The following ALS2 variants were observed in gnomAD, a reference collection of about 807,000 sequenced individuals.
ALS2 encodes alsin.
In ALS2, 117 loss-of-function variants were observed where a neutral mutation model predicts 203.4. The observed-to-expected ratio is 0.58, with a 90% confidence interval of 0.50 to 0.67. The LOEUF (loss-of-function observed/expected upper bound fraction) is 0.67. ALS2 is among the 30% of genes least tolerant of loss of function. The pLI is 0.00. For synonymous variants in ALS2, 718 were observed against 725.9 expected (o/e 0.99, Z 0.17); for missense variants, 1,715 against 1,989.4 (o/e 0.86, Z 2.62).
At chr2:201,762,160 G>T (rs2106090980) in intron 3 of ALS2, among the ~76,000 whole-genome samples, 1 of 152,078 alleles carries the variant, frequency 6.6e-6, no homozygotes, top group Non-Finnish European at 1.5e-5. Flanking sequence ...GTGTTCAAAG[G>T]CAAAATAAAT....
chr2:201,709,218 G>A (rs900037161), intron 27 of ALS2, among the ~76,000 whole-genome samples: 3 of 152,094 alleles, frequency 2.0e-5, no homozygotes, highest in African/African-American at 7.2e-5. Flanking sequence ...TACTACCACC[G>A]TATTAGTCAG....
At chr2:201,730,237 G>A (rs1316438110) in intron 13 of ALS2, among the ~76,000 whole-genome samples, 7 of 152,090 alleles carry the variant, frequency 4.6e-5, no homozygotes, top group Non-Finnish European at 1.0e-4. Flanking sequence ...TAAAATCCAG[G>A]GGTCTATCAT....
intron 1 of ALS2, among the ~76,000 whole-genome samples, chr2:201,769,535 A>G (rs896316361): frequency 6.6e-6 from 1 of 152,242 alleles, no homozygotes; most frequent in Non-Finnish European, 1.5e-5. Flanking sequence ...GTTGAAAGAA[A>G]GAAGTCTGAA....
intron 8 of ALS2, among the ~76,000 whole-genome samples, chr2:201,747,114 C>G (rs1237698732): frequency 6.6e-6 from 1 of 152,134 alleles, no homozygotes; most frequent in Non-Finnish European, 1.5e-5. Context: ...TAGGACATAC[C>G]TCTGTCCTTC....
chr2:201,777,063 A>C (rs1334774543), intron 1 of ALS2, among the ~76,000 whole-genome samples: 1 of 152,186 alleles, frequency 6.6e-6, no homozygotes, highest in Non-Finnish European at 1.5e-5. Flanking sequence ...AATGTAACCA[A>C]GTTAAGCTTT....
chr2:201,725,977 A>T lies in ALS2; in HGVS notation c.3248+507T>A, dbSNP rs529092437. ...TTATACAAAATACTGCCATAAACTA[A>T]TCATGTAAATACATTTACAGTGTTA... On this transcript the variant is annotated intron_variant, in intron 19 of 33. Transcript: ENST00000264276. 2.0e-5 allele frequency among the ~76,000 whole-genome samples: 3 copies of T among 152,344 alleles called. No homozygotes were observed. In the South Asian group the frequency reaches 6.2e-4, roughly 32 times the overall value.
intron 1 of ALS2, among the ~76,000 whole-genome samples, chr2:201,774,092 CA>C (rs1216191536): frequency 6.6e-6 from 1 of 152,106 alleles, no homozygotes; most frequent in East Asian, 1.9e-4. Flanking sequence ...GTTGAAATGG[CA>C]AACAAAGAAA....
intron 9 of ALS2, among the ~76,000 whole-genome samples, 200 bp from the exon 10 acceptor site, chr2:201,744,629 T>G (rs1032764648): frequency 3.3e-5 from 5 of 152,040 alleles, no homozygotes; most frequent in Admixed American, 2.0e-4. Context: ...GGGTTTTTTT[T>G]GGGGGGGTCG....
intron 25 of ALS2, among the ~76,000 whole-genome samples, chr2:201,713,124 TTTTC>T (rs1223988584): frequency 5.0e-5 from 5 of 100,244 alleles, no homozygotes; most frequent in African/African-American, 1.6e-4. Flanking sequence ...TTCTTTCTCC[TTTTC>T]TTTTCTTTTT....
intron 29 of ALS2, 41 bp from the exon 30 acceptor site, chr2:201,705,502 T>G: frequency 6.5e-7 from 1 of 1,536,792 alleles, no homozygotes; most frequent in Non-Finnish European, 9.0e-7. Flanking sequence ...AGTTGTTACT[T>G]ATGGTAAACA....
chr2:201,709,999 C>T lies in ALS2; in HGVS notation c.4162G>A (p.Glu1388Lys). ...ATTCTATACACTGCAACCAGTGTCT[C>T]CACAAGCCTGCCCAGGGGGTGCAGA... is the stretch of plus-strand genomic sequence containing the variant. ...TPLHPLGRLV[E>K]TLVAVYRMTY... Residue 1388 changes from glutamate to lysine, a missense_variant, in exon 27 of 34, where the codon GAG becomes AAG. Physicochemically the swap from Glu to Lys is moderately conservative, Grantham distance 56. Coordinates refer to ENST00000264276, the MANE Select transcript of ALS2 (RefSeq NM_020919.4). The T allele has an allele frequency of 6.2e-7, 1 of 1,613,982 alleles. No individual in the cohort carries two copies. The highest frequency in any genetic ancestry group is 1.3e-5 in the African/African-American group (1 of 75,038).
rs538132017 is a variant in ALS2 at position 201,707,957 on chromosome 2, T to C, written c.4315A>G (p.Thr1439Ala). Reference sequence around the variant, plus strand: ...GGCAGAGGAGCAGAGAGAGGAATTGTGCTGCCTTCTTCAGGCAGCTCAGGA... The same window carrying C: ...GGCAGAGGAGCAGAGAGAGGAATTGCGCTGCCTTCTTCAGGCAGCTCAGGA... The part of the protein sequence containing the change: ...LFPELPEEGS[T>A]IPLSAPLPTE... Residue 1439 changes from threonine to alanine, a missense_variant, in exon 28 of 34, where the codon ACA becomes GCA. By Grantham distance (58) the Thr-to-Ala change is moderately conservative (BLOSUM62 0). This residue lies in a region of ALS2 where 1,227 missense variants were observed against 1,413.5 expected (regional missense o/e 0.87). Coordinates refer to ENST00000264276, the MANE Select transcript of ALS2 (RefSeq NM_020919.4). 4 of 1,613,362 alleles carry C rather than the reference T, an allele frequency of 2.5e-6. No individual in the cohort carries two copies. In the South Asian group the frequency reaches 4.4e-5, roughly 18 times the overall value.
intron 1 of ALS2, among the ~76,000 whole-genome samples, chr2:201,773,169 T>C (rs1383292011): frequency 6.6e-6 from 1 of 152,314 alleles, no homozygotes. Context: ...CAATGATTTA[T>C]TTCAATGACG....
At chr2:201,748,414 C>A (rs1231004066) in intron 8 of ALS2, among the ~76,000 whole-genome samples, 1 of 152,176 alleles carries the variant, frequency 6.6e-6, no homozygotes, top group Non-Finnish European at 1.5e-5. Context: ...ACAGATTAAT[C>A]AGGATGACTT....
intron 13 of ALS2, among the ~76,000 whole-genome samples, chr2:201,730,449 C>T (rs1691484996): frequency 6.6e-6 from 1 of 152,178 alleles, no homozygotes; most frequent in Non-Finnish European, 1.5e-5. Flanking sequence ...CTGTCAGACT[C>T]ACAGTGGCAG....
intron 3 of ALS2, chr2:201,765,641 A>T (rs1016257755): frequency 3.7e-5 from 6 of 161,184 alleles, no homozygotes; most frequent in African/African-American, 1.5e-4. Context: ...TAATACCTTA[A>T]TAAATACTTA....
intron 1 of ALS2, among the ~76,000 whole-genome samples, chr2:201,776,190 A>G (rs978930898): frequency 3.9e-5 from 6 of 152,230 alleles, no homozygotes; most frequent in Admixed American, 2.6e-4. Context: ...AAAAATGGTT[A>G]AACAACTCAG....
Position 201,718,098 on chromosome 2 carries a change from T to C in ALS2, c.3815A>G (p.Asp1272Gly), listed in dbSNP as rs1559041574. Residue 1272 changes from aspartate to glycine, a missense_variant, in exon 24 of 34, where the codon GAT becomes GGT. Asp to Gly is a moderately conservative substitution (Grantham distance 94, BLOSUM62 -1). This residue lies in a region of ALS2 where 1,227 missense variants were observed against 1,413.5 expected (regional missense o/e 0.87). Transcript: ENST00000264276. Reference protein sequence around the residue: ...TYFKPSLYESDKDRPKVFRKL... With the variant: ...TYFKPSLYESGKDRPKVFRKL... ...TCACAAAACTTTAGGTCTGTCTTTA[T>C]CACTCTCATATAGACTAGGTTTGAA... 8.7e-6 allele frequency: 14 copies of C among 1,613,780 alleles called. No individual in the cohort carries two copies. The highest frequency in any genetic ancestry group is 1.2e-5 in the Non-Finnish European group (14 of 1,179,706).
chr2:201,745,089 C>G (rs562824177), intron 9 of ALS2, among the ~76,000 whole-genome samples: 3 of 152,218 alleles, frequency 2.0e-5, no homozygotes, highest in Non-Finnish European at 2.9e-5. Context: ...AAGACACACA[C>G]GAGAGCTTCA....
Sources: gnomAD v4.1 joint callset for allele counts (sites outside exome capture counted in the v4.1 genomes callset) on GRCh38, gnomAD v4.1.1 for gene constraint, gnomAD v4.1.1 regional missense constraint, MANE v1.5 for transcripts, NCBI Gene and HGNC (gene_info 2026-07-23, HGNC 2026-07-21) for gene names.